NDUFB6: variants seen among roughly 807,000 people sequenced by gnomAD.
NDUFB6 encodes the protein NADH dehydrogenase [ubiquinone] 1 beta subcomplex subunit 6.
NDUFB6 carries 23 observed loss-of-function variants against 17.5 expected under a neutral mutation model. The observed-to-expected ratio is 1.31, with a 90% CI of 0.94 to 1.86. NDUFB6 has a LOEUF of 1.86. Ranked by LOEUF, NDUFB6 falls within the 40% of genes most tolerant of loss-of-function variation. The pLI is 0.00. For missense variants in NDUFB6, 167 were observed against 153.8 expected, an observed-to-expected ratio of 1.09 and a Z score of -0.46; for synonymous variants, 60 against 53.5, an observed-to-expected ratio of 1.12 and a Z score of -0.53.
intron 2 of NDUFB6, among the ~76,000 whole-genome samples, chr9:32,563,441 G>A (rs1207195832): frequency 6.7e-6 from 1 of 148,640 alleles, no homozygotes; most frequent in Non-Finnish European, 1.5e-5. Flanking sequence ...CACATCCTGG[G>A]CTCAAGCGAT....
intron 3 of NDUFB6, among the ~76,000 whole-genome samples, chr9:32,557,705 C>T (rs1821506838): frequency 6.6e-6 from 1 of 151,980 alleles, no homozygotes; most frequent in Non-Finnish European, 1.5e-5. Flanking sequence ...TCTCGAAGTT[C>T]TGACCTTGTG....
At chr9:32,564,616 C>G (rs1821725929) in intron 2 of NDUFB6, among the ~76,000 whole-genome samples, 1 of 152,106 alleles carries the variant, frequency 6.6e-6, no homozygotes. Context: ...CCTCTGTAAT[C>G]CAGTCCCACC....
intron 3 of NDUFB6, among the ~76,000 whole-genome samples, chr9:32,558,598 A>G (rs546608281): frequency 6.6e-6 from 1 of 152,346 alleles, no homozygotes; most frequent in Admixed American, 6.5e-5. Context: ...TTTACCCAAC[A>G]TGAAACAGGA....
chr9:32,561,445 A>G (rs1302563542), intron 2 of NDUFB6, among the ~76,000 whole-genome samples: 3 of 151,744 alleles, frequency 2.0e-5, no homozygotes, highest in Admixed American at 6.6e-5. Flanking sequence ...CTTCTGCCTC[A>G]GCCTTCTGAG....
In NDUFB6 at chr9:32,553,853, C is replaced by G. The variant is rs769664114; in HGVS notation, c.*23G>C. 1 of 1,480,696 alleles carries G rather than the reference C, an allele frequency of 6.8e-7. No homozygotes were observed. Among genetic ancestry groups the G allele is most frequent in the Non-Finnish European group, 9.4e-7 (1 of 1,063,356 alleles). 91.7% of individuals were successfully genotyped at this position (1,480,696 alleles called of 1,614,324 possible). ...ATAGGAACAAACTTAGGCTCATAAGCCTTTTAACTTTTTACATAATCTTTA... is the reference window on the plus strand; with the variant it reads ...ATAGGAACAAACTTAGGCTCATAAGGCTTTTAACTTTTTACATAATCTTTA... On this transcript the variant is annotated 3_prime_UTR_variant, in exon 4 of 4. Coordinates refer to ENST00000379847, the MANE Select transcript of NDUFB6 (RefSeq NM_002493.5).
At chr9:32,567,733 T>C in intron 2 of NDUFB6, 1 of 328,072 alleles carries the variant, frequency 3.0e-6, no homozygotes, top group South Asian at 2.7e-5. Context: ...CACACCCATA[T>C]AAGATAGTGA....
intron 2 of NDUFB6, chr9:32,568,745 TATA>T (rs1244844482): frequency 8.1e-6 from 1 of 123,660 alleles, no homozygotes; most frequent in African/African-American, 3.4e-5. Context: ...TATATATATA[TATA>T]TTTTTTTTTT....
rs1189394639 is a variant in NDUFB6 at position 32,562,428 on chromosome 9, G to C, written c.274-3474C>G. Among the ~76,000 whole-genome samples, 5 of 152,098 alleles carry C rather than the reference G, an allele frequency of 3.3e-5. No homozygotes were observed. In the East Asian group the frequency reaches 9.6e-4, roughly 29 times the overall value. The stretch of plus-strand genomic sequence containing the variant: ...AATCAAAGAGAGTAAGTTATGTTGG[G>C]GGCAGGGGTGTTCTGAAAACCCCCC... On this transcript the variant is annotated intron_variant, in intron 2 of 3. Coordinates refer to ENST00000379847, the MANE Select transcript of NDUFB6 (RefSeq NM_002493.5).
At chr9:32,554,494 A>C (rs1821400229) in intron 3 of NDUFB6, among the ~76,000 whole-genome samples, 1 of 152,198 alleles carries the variant, frequency 6.6e-6, no homozygotes, top group Non-Finnish European at 1.5e-5. Context: ...CTCCACTGAC[A>C]AGCTGTATAG....
chr9:32,563,974 C>G (rs1168764292), intron 2 of NDUFB6, among the ~76,000 whole-genome samples: 1 of 152,156 alleles, frequency 6.6e-6, no homozygotes, highest in African/African-American at 2.4e-5. Flanking sequence ...ACTTTCTCTC[C>G]TCCCGCCCTA....
In NDUFB6 at chr9:32,573,023, T is replaced by G; in HGVS notation, c.38A>C (p.Gln13Pro). ...GYTPDEKLRL[Q>P]QLRELRRRWL... ...TCGCCTTCTCAGCTCTCGCAGCTGC[T>G]GCAGCCGCAGTTTCTCATCCGGAGT... Residue 13 changes from glutamine to proline, a missense_variant, in exon 1 of 4, where the codon CAG (glutamine) becomes CCG (proline). Transcript: ENST00000379847. 1 of 1,601,598 alleles carries G rather than the reference T, an allele frequency of 6.2e-7. No homozygotes were observed. Among genetic ancestry groups the G allele is most frequent in the South Asian group, 1.1e-5 (1 of 90,322 alleles).
chr9:32,559,410 A>C (rs930430143), intron 2 of NDUFB6, among the ~76,000 whole-genome samples: 2 of 152,166 alleles, frequency 1.3e-5, no homozygotes, highest in African/African-American at 4.8e-5. Context: ...TGAAAAGTCT[A>C]TTCTCCACAC....
At chr9:32,564,281 C>T (rs1350340308) in intron 2 of NDUFB6, among the ~76,000 whole-genome samples, 3 of 152,060 alleles carry the variant, frequency 2.0e-5, no homozygotes, top group South Asian at 2.1e-4. Context: ...CTCCCTTTTC[C>T]GGCAGTGAGA....
At chr9:32,564,379 T>C (rs11790512) in intron 2 of NDUFB6, among the ~76,000 whole-genome samples, 1 of 152,160 alleles carries the variant, frequency 6.6e-6, no homozygotes, top group Non-Finnish European at 1.5e-5. Context: ...ACATATATTG[T>C]GTTTTCTTAT....
rs55804108 is a variant in NDUFB6, at chr9:32,553,039, C to T, written c.*837G>A. ...TTTATTTTTGCATTATCCTTTATAA[C>T]AAGCACTAGTATGCAAATTTTTCAC... is the stretch of plus-strand genomic sequence containing the variant. On this transcript the variant is annotated 3_prime_UTR_variant, in exon 4 of 4. Coordinates refer to ENST00000379847, the MANE Select transcript of NDUFB6 (RefSeq NM_002493.5). 6.6e-3 allele frequency: 3,722 copies of T among 565,558 alleles called. 106 individuals are homozygous for T. The highest frequency in any genetic ancestry group is 0.063 in the African/African-American group (3,341 of 53,318). The allele number at this position is 565,558 out of a possible 1,614,324, so 35.0% of individuals were successfully genotyped here.
intron 3 of NDUFB6, 55 bp downstream of exon 3, chr9:32,558,854 GA>G: frequency 2.4e-6 from 3 of 1,239,410 alleles, no homozygotes; most frequent in African/African-American, 1.5e-5. Flanking sequence ...GGAAAGGGAG[GA>G]AAAGGAAAGA....
intron 2 of NDUFB6, chr9:32,567,641 T>C (rs1182127363): frequency 5.5e-6 from 2 of 364,144 alleles, no homozygotes; most frequent in South Asian, 4.4e-5. Flanking sequence ...TTTGTCACTA[T>C]TGTTATATTA....
intron 2 of NDUFB6, chr9:32,566,409 G>C: frequency 1.1e-6 from 1 of 894,428 alleles, no homozygotes; most frequent in Non-Finnish European, 1.9e-6. Flanking sequence ...TCCAGAAGAG[G>C]AGCCTGCTCT....
chr9:32,570,982 T>G lies in NDUFB6; in HGVS notation c.251A>C (p.Tyr84Ser). Residue 84 changes from tyrosine to serine, a missense_variant, in exon 2 of 4, where the codon TAT becomes TCT. Transcript: ENST00000379847. ...TACAGAAACATGATACTTCATGTAA[T>G]AATGAATAATCCAGACAGGTACAAG... The part of the protein sequence containing the change: ...HVLVPVWIIH[Y>S]YMKYHVSEKP... The G allele has an allele frequency of 6.3e-7, 1 of 1,592,356 alleles. No homozygotes were observed. Among genetic ancestry groups the G allele is most frequent in the African/African-American group, 1.3e-5 (1 of 74,252 alleles).
Sources: allele counts gnomAD v4.1 joint callset (sites outside exome capture counted in the v4.1 genomes callset), GRCh38; gene constraint gnomAD v4.1.1; transcripts MANE v1.5; gene names NCBI Gene and HGNC (gene_info 2026-07-23, HGNC 2026-07-21).